POTEE: variants seen among roughly 807,000 people sequenced by gnomAD.
The protein encoded by POTEE is ANKRD26-like family C member 1A.
POTEE carries 21 observed loss-of-function variants against 74.2 expected under a neutral mutation model. The ratio of observed to expected loss-of-function variants is 0.28; its 90% CI spans 0.20 to 0.41. POTEE has a LOEUF of 0.41. Ranked by LOEUF, POTEE falls within the 10% of genes least tolerant of loss-of-function variation. POTEE has a pLI of 1.00. For missense variants in POTEE, 525 were observed against 1,158.6 expected (o/e 0.45, Z 7.94); for synonymous variants, 211 against 432.8 (o/e 0.49, Z 6.36).
At chr2:131,224,353 A>G (rs1348054553) in intron 6 of POTEE, among the ~76,000 whole-genome samples, 1 of 146,640 alleles carries the variant, frequency 6.8e-6, no homozygotes, top group African/African-American at 2.6e-5. Flanking sequence ...TTGAATGTAA[A>G]ATGGCAAAAT....
At chr2:131,217,754 CCGCACGCCGCACGCGCACGCCGCACG>C (rs138470843) in intron 3 of POTEE, among the ~76,000 whole-genome samples, 71 bp downstream of exon 3, 6 of 146,540 alleles carry the variant, frequency 4.1e-5, no homozygotes, top group African/African-American at 1.3e-4. Flanking sequence ...ACGCCGCACG[CCGCACGCCGCACGCGCACGCCGCACG>C]CGCACGCGCA....
intron 16 of POTEE, among the ~76,000 whole-genome samples, chr2:131,258,578 ATC>A (rs1402751404): frequency 2.0e-5 from 3 of 152,110 alleles, no homozygotes; most frequent in African/African-American, 7.2e-5. Flanking sequence ...ATACATTTTT[ATC>A]TCATTAAAAA....
chr2:131,225,763 C>T (rs1034693142), intron 6 of POTEE, among the ~76,000 whole-genome samples: 2 of 150,236 alleles, frequency 1.3e-5, no homozygotes, highest in Admixed American at 6.6e-5. Context: ...TGGGCTCAAG[C>T]GATTCACCCA....
intron 16 of POTEE, among the ~76,000 whole-genome samples, chr2:131,258,460 A>G (rs1701621009): frequency 8.2e-6 from 1 of 121,562 alleles, no homozygotes; most frequent in African/African-American, 3.1e-5. Context: ...CCAGTAGGAG[A>G]TTTTAGTCTC....
At chr2:131,223,013 G>A (rs1316945384) in intron 4 of POTEE, among the ~76,000 whole-genome samples, 4 of 151,612 alleles carry the variant, frequency 2.6e-5, no homozygotes, top group East Asian at 3.9e-4. Flanking sequence ...ATTGTAAGTG[G>A]TATTTCAGTG....
In POTEE at chr2:131,209,800, G is replaced by A. The variant is rs1700316334; in HGVS notation, c.-364G>A. ...GGGACACTGCAGCTCGGCCAGAGTG[G>A]TAGAAATGTCCTGGTGTAGGTGAGT... On this transcript the variant is annotated 5_prime_UTR_variant, in exon 1 of 18. The change creates a premature stop within an existing upstream ORF in the 5' untranslated region. Transcript: ENST00000683005. Among the ~76,000 whole-genome samples the A allele has an allele frequency of 1.3e-5, 2 of 151,522 alleles. No homozygotes were observed. Among genetic ancestry groups the A allele is most frequent in the African/African-American group, 4.8e-5 (2 of 41,412 alleles).
intron 6 of POTEE, among the ~76,000 whole-genome samples, chr2:131,225,686 GT>G (rs1207304302): frequency 0.021 from 2,572 of 124,646 alleles, 14 homozygotes; most frequent in African/African-American, 0.051. Context: ...TCCAACCTCA[GT>G]TTTTTTTTTT....
rs1409166551 is a variant in POTEE, at chr2:131,262,430, C to T, written c.1899+584C>T. Among the ~76,000 whole-genome samples the T allele has an allele frequency of 3.5e-3, 417 of 120,146 alleles. 1 individual carries two copies. Among genetic ancestry groups the T allele is most frequent in the African/African-American group, 0.012 (377 of 30,262 alleles). 78.8% of individuals were successfully genotyped at this position (120,146 alleles called of 152,430 possible). ...ATAGTTCAGTATATTTCCCCTATTT[C>T]ACCATTACTACTGTTTCAAACATTA... On this transcript the variant is annotated intron_variant, in intron 17 of 17. Coordinates refer to ENST00000683005, the MANE Select transcript of POTEE (RefSeq NM_001083538.3).
intron 17 of POTEE, among the ~76,000 whole-genome samples, chr2:131,262,116 A>G (rs1301474400): frequency 3.2e-5 from 4 of 123,490 alleles, no homozygotes; most frequent in African/African-American, 1.0e-4. Flanking sequence ...TGATCTTTCC[A>G]CATCAGAAAT....
chr2:131,215,819 AAC>A (rs1261179639), intron 2 of POTEE, among the ~76,000 whole-genome samples: 3 of 136,540 alleles, frequency 2.2e-5, no homozygotes, highest in African/African-American at 8.5e-5. Context: ...AGTGTATTAC[AAC>A]AGATGGATTT....
chr2:131,254,659 C>T (rs1185486607), intron 16 of POTEE, among the ~76,000 whole-genome samples: 1 of 143,252 alleles, frequency 7.0e-6, no homozygotes, highest in East Asian at 2.1e-4. Flanking sequence ...GTAAAAGTGC[C>T]CTGCATGTGT....
chr2:131,219,911 A>G (rs1466079273), intron 4 of POTEE, among the ~76,000 whole-genome samples: 1 of 152,080 alleles, frequency 6.6e-6, no homozygotes, highest in Non-Finnish European at 1.5e-5. Context: ...CAAAATGTGC[A>G]TGTTATTTAT....
At chr2:131,225,189 G>T (rs918651857) in intron 6 of POTEE, among the ~76,000 whole-genome samples, 67 of 151,974 alleles carry the variant, frequency 4.4e-4, no homozygotes, top group Non-Finnish European at 7.1e-4. Context: ...AACAAGTCTA[G>T]GCTTTTTCTG....
chr2:131,238,133 A>G lies in POTEE; in HGVS notation c.1198-61A>G. On this transcript the variant is annotated intron_variant, in intron 10 of 17. Transcript: ENST00000683005. ...AAAATTTTTTTAAAACATGCGCTCCAAAAGAGGAGACATCACAGAAACACA... is the reference window on the plus strand; with the variant it reads ...AAAATTTTTTTAAAACATGCGCTCCGAAAGAGGAGACATCACAGAAACACA... 8 of 1,587,928 alleles carry G rather than the reference A, an allele frequency of 5.0e-6. No homozygotes were observed. In the Admixed American group the frequency reaches 7.3e-5, roughly 15 times the overall value.
intron 9 of POTEE, among the ~76,000 whole-genome samples, chr2:131,233,496 C>T (rs1440025072): frequency 6.6e-6 from 1 of 151,834 alleles, no homozygotes; most frequent in East Asian, 1.9e-4. Context: ...TTATAGTTTC[C>T]TTGTCATACA....
chr2:131,258,610 T>A (rs1380846531), intron 16 of POTEE, among the ~76,000 whole-genome samples: 10 of 152,146 alleles, frequency 6.6e-5, no homozygotes, highest in Non-Finnish European at 1.3e-4. Flanking sequence ...AATTTTCTGC[T>A]GGCAAATCTA....
intron 6 of POTEE, among the ~76,000 whole-genome samples, chr2:131,224,794 T>C (rs1328302484): frequency 1.3e-5 from 2 of 151,414 alleles, no homozygotes; most frequent in Admixed American, 1.3e-4. Context: ...GAATAGGTGG[T>C]AATGTAAGAG....
At chr2:131,224,337 T>C (rs1423345844) in intron 6 of POTEE, among the ~76,000 whole-genome samples, 1,993 of 147,980 alleles carry the variant, frequency 0.013, 58 homozygotes, top group African/African-American at 0.048. Context: ...GGATGTTTTT[T>C]CCCTATTGAA....
At chr2:131,222,264 T>C (rs1293343567) in intron 4 of POTEE, among the ~76,000 whole-genome samples, 1 of 152,216 alleles carries the variant, frequency 6.6e-6, no homozygotes, top group African/African-American at 2.4e-5. Flanking sequence ...TGCAGGGACA[T>C]GGATGGTGTT....
Sources: gnomAD v4.1 joint callset for allele counts (sites outside exome capture counted in the v4.1 genomes callset) on GRCh38, gnomAD v4.1.1 for gene constraint, MANE v1.5 for transcripts, NCBI Gene and HGNC (gene_info 2026-07-23, HGNC 2026-07-21) for gene names.